The following ABCA4 variants were observed in gnomAD, a reference collection of about 807,000 sequenced individuals.
The protein encoded by ABCA4 is retinal-specific phospholipid-transporting ATPase ABCA4.
A neutral mutation model predicts 263.7 loss-of-function variants in ABCA4; 196 were observed. That is an observed-to-expected ratio of 0.74 (90% CI 0.66 to 0.84). The LOEUF (loss-of-function observed/expected upper bound fraction) is 0.84, where lower values mean the gene tolerates loss of function less well. Among genes scored for constraint, ABCA4 ranks in the 40% least tolerant of loss-of-function variants. ABCA4 has a pLI of 0.00. For missense variants in ABCA4, 2,792 were observed against 2,855.1 expected (o/e 0.98, Z 0.50); for synonymous variants, 1,133 against 1,094.2 (o/e 1.04, Z -0.70).
At chr1:94,025,131 A>T in intron 30 of ABCA4, 83 bp from the exon 31 acceptor site, 1 of 1,114,792 alleles carries the variant, frequency 9.0e-7, no homozygotes, top group Non-Finnish European at 1.4e-6. Context: ...TTGTCTTCCA[A>T]AAATTATTTA....
chr1:94,023,505 T>C, intron 31 of ABCA4, 87 bp from the exon 32 acceptor site: 1 of 1,216,050 alleles, frequency 8.2e-7, no homozygotes. Flanking sequence ...TTTTGAAGAC[T>C]GAAGTCTCAG....
chr1:94,063,350 G>C (rs1201789831), intron 11 of ABCA4, 33 bp from the exon 12 acceptor site: 1 of 1,600,602 alleles, frequency 6.2e-7, no homozygotes, highest in Admixed American at 1.7e-5. Context: ...GAGAGTGTGA[G>C]GAGGACCAAC....
Position 94,103,122 on chromosome 1 carries a change from C to T in ABCA4, c.463G>A (p.Asp155Asn), listed in dbSNP as rs1570426424. ...RIAGRGIRIR[D>N]ILKDEETLTL... ...AGTGTTTCTTCATCTTTCAAGATAT[C>T]CCTTATTCGTATTCCTCTTCCTACA... is the stretch of plus-strand genomic sequence containing the variant. Residue 155 changes from aspartate to asparagine, a missense_variant, in exon 5 of 50, where the codon GAT (aspartate) becomes AAT (asparagine). Coordinates refer to ENST00000370225, the MANE Select transcript of ABCA4 (RefSeq NM_000350.3). 1.2e-6 allele frequency: 2 copies of T among 1,613,894 alleles called. No homozygotes were observed. The highest frequency in any genetic ancestry group is 1.7e-6 in the Non-Finnish European group (2 of 1,179,980).
rs1801581 is a variant in ABCA4 at position 94,047,009 on chromosome 1, C to T, written c.2828G>A (p.Arg943Gln). ...GATGTTCAGACGGTCCACAGCTGGCCGGCCACAGGGCTCAAAAATCTTTAC... is the reference window on the plus strand; with the variant it reads ...GATGTTCAGACGGTCCACAGCTGGCTGGCCACAGGGCTCAAAAATCTTTAC... ...NLVKIFEPCG[R>Q]PAVDRLNITF... The change falls in exon 19 of 50, where the codon CGG (arginine) becomes CAG (glutamine). Residue 943 changes from arginine to glutamine, a missense_variant. Arg to Gln is a conservative substitution (Grantham distance 43). Transcript: ENST00000370225. The T allele has an allele frequency of 0.041, 65,522 of 1,614,062 alleles. 1,540 individuals carry two copies. The highest frequency in any genetic ancestry group is 0.046 in the Non-Finnish European group (54,808 of 1,180,000).
chr1:94,096,358 C>G (rs940038776), intron 6 of ABCA4, among the ~76,000 whole-genome samples: 1 of 152,178 alleles, frequency 6.6e-6, no homozygotes, highest in Non-Finnish European at 1.5e-5. Flanking sequence ...CTAGGCTGCA[C>G]TGCTGTGAAA....
chr1:94,075,726 G>A (rs2101097691), intron 11 of ABCA4, among the ~76,000 whole-genome samples: 1 of 152,364 alleles, frequency 6.6e-6, no homozygotes, highest in South Asian at 2.1e-4. Flanking sequence ...AACAGTTCTA[G>A]ATGACACAGA....
chr1:94,019,911 A>C lies in ABCA4; in HGVS notation c.5019-152T>G, dbSNP rs1045248060. 3.7e-6 allele frequency: 3 copies of C among 819,282 alleles called. No individual in the cohort carries two copies. In the African/African-American group the frequency reaches 5.1e-5, roughly 14 times the overall value. The allele number at this position is 819,282 out of a possible 1,614,324, so 50.8% of individuals were successfully genotyped here. A position where few individuals can be genotyped will look rare whatever the true frequency, so the allele number is the denominator to read the frequency against. On this transcript the variant is annotated intron_variant, in intron 35 of 49. Transcript: ENST00000370225. ...TCTACCTTGAAGCTGTCACTCCACT[A>C]AACTGTCTTAATCCATATGGACCAA...
chr1:94,005,536 G>A lies in ABCA4; in HGVS notation c.6052C>T (p.Pro2018Ser). The A allele has an allele frequency of 6.2e-7, 1 of 1,614,122 alleles. No individual in the cohort carries two copies. Among genetic ancestry groups the A allele is most frequent in the Non-Finnish European group, 8.5e-7 (1 of 1,179,968 alleles). Reference sequence around the variant, plus strand: ...AGCTCATCAATTGCATCAAACTGAGGACAGTAGCCCATATTTTGATGGACT... The same window carrying A: ...AGCTCATCAATTGCATCAAACTGAGAACAGTAGCCCATATTTTGATGGACT... ...SEVHQNMGYCPQFDAIDELLT... is the reference protein window; with the variant it reads ...SEVHQNMGYCSQFDAIDELLT... The change falls in exon 44 of 50, where the codon CCT becomes TCT. Residue 2018 changes from proline (P) to serine (S), a missense_variant. Physicochemically the swap from Pro to Ser is moderately conservative, Grantham distance 74. Coordinates refer to ENST00000370225, the MANE Select transcript of ABCA4 (RefSeq NM_000350.3).
intron 11 of ABCA4, among the ~76,000 whole-genome samples, chr1:94,064,107 C>T (rs1047908341): frequency 2.0e-5 from 3 of 152,212 alleles, no homozygotes; most frequent in African/African-American, 4.8e-5. Context: ...TTGGTGTCGA[C>T]ATTTCTTTCT....
rs3945204 is a variant in ABCA4 at position 94,027,217 on chromosome 1, T to C, written c.4540-2169A>G. ...TGGCAGGAACTGGCTTGCCTTTTTC[T>C]AGGACTTTGGCTGTTACATTTTGTC... is the stretch of plus-strand genomic sequence containing the variant. On this transcript the variant is annotated intron_variant, in intron 30 of 49. Transcript: ENST00000370225. Among the ~76,000 whole-genome samples, 84,352 of 152,088 alleles carry C rather than the reference T, an allele frequency of 0.55. 23,629 individuals are homozygous for C. The highest frequency in any genetic ancestry group is 0.62 in the African/African-American group (25,693 of 41,448).
At chr1:94,024,887 C>T (rs2101027503) in intron 31 of ABCA4, 67 bp downstream of exon 31, 1 of 1,363,338 alleles carries the variant, frequency 7.3e-7, no homozygotes, top group Non-Finnish European at 1.0e-6. Context: ...AGAAAATTAT[C>T]TTCTGTCCCT....
At chr1:94,061,051 T>C (rs1044800374) in intron 13 of ABCA4, among the ~76,000 whole-genome samples, 2 of 152,220 alleles carry the variant, frequency 1.3e-5, no homozygotes, top group Non-Finnish European at 2.9e-5. Flanking sequence ...AGATCTTCCC[T>C]GTAAGGCCTT....
chr1:94,023,517 C>CT, intron 31 of ABCA4, 99 bp from the exon 32 acceptor site: 1 of 1,083,328 alleles, frequency 9.2e-7, no homozygotes, highest in Non-Finnish European at 1.4e-6. Flanking sequence ...AAGTCTCAGT[C>CT]TTCAGGGGCA....
chr1:94,094,648 C>A (rs1662073288), intron 6 of ABCA4, among the ~76,000 whole-genome samples: 1 of 152,154 alleles, frequency 6.6e-6, no homozygotes, highest in African/African-American at 2.4e-5. Flanking sequence ...GGTTCCCCTG[C>A]CGAACTTCCA....
At chr1:94,047,301 C>T (rs989013523) in intron 18 of ABCA4, among the ~76,000 whole-genome samples, 7 of 152,340 alleles carry the variant, frequency 4.6e-5, no homozygotes, top group South Asian at 2.1e-4. Flanking sequence ...GGCACTGCTT[C>T]GACTGCTTTA....
intron 7 of ABCA4, among the ~76,000 whole-genome samples, chr1:94,082,400 T>C (rs1450764919): frequency 6.6e-6 from 1 of 152,202 alleles, no homozygotes; most frequent in Non-Finnish European, 1.5e-5. Context: ...ACTTTGGGGA[T>C]TGTTTGTACA....
At chr1:94,079,919 T>C (rs1661644075) in intron 8 of ABCA4, among the ~76,000 whole-genome samples, 1 of 152,078 alleles carries the variant, frequency 6.6e-6, no homozygotes, top group Non-Finnish European at 1.5e-5. Flanking sequence ...TTGCTGCCTC[T>C]TTTCAGTTTT....
At chr1:94,087,784 C>T (rs1661870133) in intron 6 of ABCA4, among the ~76,000 whole-genome samples, 1 of 152,108 alleles carries the variant, frequency 6.6e-6, no homozygotes, top group African/African-American at 2.4e-5. Context: ...TGATAAAATC[C>T]CACATTTGAC....
At chr1:94,025,284 C>G (rs1468881083) in intron 30 of ABCA4, among the ~76,000 whole-genome samples, 2 of 152,200 alleles carry the variant, frequency 1.3e-5, no homozygotes, top group Non-Finnish European at 2.9e-5. Flanking sequence ...AAACAAATCT[C>G]CAATCCATCT....
Sources: gnomAD v4.1 joint callset for allele counts (sites outside exome capture counted in the v4.1 genomes callset) on GRCh38, gnomAD v4.1.1 for gene constraint, MANE v1.5 for transcripts, NCBI Gene and HGNC (gene_info 2026-07-23, HGNC 2026-07-21) for gene names.